The following MAMLD1 variants were observed in gnomAD, a reference collection of about 807,000 sequenced individuals.
MAMLD1 encodes the protein mastermind like domain containing 1.
Under a neutral mutation model 45.0 loss-of-function variants are expected in MAMLD1, and 14 were observed. The ratio of observed to expected loss-of-function variants is 0.31; its 90% CI spans 0.21 to 0.49. The LOEUF (loss-of-function observed/expected upper bound fraction) is 0.49. Ranked by LOEUF, MAMLD1 falls within the 20% of genes least tolerant of loss-of-function variation. The probability of loss-of-function intolerance (pLI) is 0.99; values close to 1 mark genes in which losing one functional copy is unlikely to be tolerated. For synonymous variants in MAMLD1, 254 were observed against 247.8 expected (o/e 1.02, Z -0.24); for missense variants, 543 against 603.6 (o/e 0.90, Z 1.05).
chrX:150,442,644 A>G (rs2124595071), intron 1 of MAMLD1, among the ~76,000 whole-genome samples: 1 of 112,006 alleles, frequency 8.9e-6, no homozygotes, highest in South Asian at 3.7e-4. Context: ...GACACATCAG[A>G]CAATGTTATA....
At chrX:150,391,340 C>T (rs1045488085) in intron 1 of MAMLD1, among the ~76,000 whole-genome samples, 4 of 109,886 alleles carry the variant, frequency 3.6e-5, no homozygotes, top group Non-Finnish European at 7.6e-5. Context: ...TCCCTGAGCC[C>T]CCTCTTCTTC....
At chrX:150,488,133 C>T (rs1193346628) in intron 5 of MAMLD1, among the ~76,000 whole-genome samples, 1 of 112,731 alleles carries the variant, frequency 8.9e-6, no homozygotes, top group Non-Finnish European at 1.9e-5. Context: ...ATGGCCCTCC[C>T]CCTTCTCTCT....
rs1206065899 is a variant in MAMLD1, at chrX:150,383,529, T to C, written c.-64+19999T>C. Among the ~76,000 whole-genome samples, 34 of 111,405 alleles carry C rather than the reference T, an allele frequency of 3.1e-4. No individual in the cohort carries two copies. The Admixed American group carries it at 3.2e-3, about 11-fold the overall frequency. ...CTGGATGCAGATCCTATACACATTA[T>C]ATTATATTAAATATCTAAGTATTGC... On this transcript the variant is annotated intron_variant, in intron 1 of 7. Coordinates refer to ENST00000370401, the MANE Select transcript of MAMLD1 (RefSeq NM_005491.5).
intron 1 of MAMLD1, among the ~76,000 whole-genome samples, chrX:150,368,721 C>G (rs2031724113): frequency 1.8e-5 from 2 of 112,036 alleles, no homozygotes; most frequent in Non-Finnish European, 3.8e-5. Flanking sequence ...TTTAATCCAT[C>G]TTGAATTAAT....
At chrX:150,506,606 C>T (rs1440412727) in intron 6 of MAMLD1, among the ~76,000 whole-genome samples, 6 of 112,482 alleles carry the variant, frequency 5.3e-5, no homozygotes, top group Non-Finnish European at 1.1e-4. Context: ...GTCCCCGAAT[C>T]GTTTGTCCTC....
chrX:150,467,475 C>T (rs1162245376), intron 3 of MAMLD1, among the ~76,000 whole-genome samples: 2 of 112,102 alleles, frequency 1.8e-5, no homozygotes, highest in East Asian at 5.6e-4. Flanking sequence ...TGGGCCTCAG[C>T]CCTCTTATTG....
chrX:150,467,070 T>C (rs2124638839), intron 3 of MAMLD1, among the ~76,000 whole-genome samples: 1 of 101,048 alleles, frequency 9.9e-6, no homozygotes, highest in East Asian at 3.4e-4. Flanking sequence ...GTTCGAGACA[T>C]CATGGACAGC....
chrX:150,426,639 T>C (rs1291167759), intron 1 of MAMLD1, among the ~76,000 whole-genome samples: 2 of 111,673 alleles, frequency 1.8e-5, no homozygotes, highest in Non-Finnish European at 3.8e-5. Flanking sequence ...AGCAGAATAA[T>C]AAGAATCCAG....
At chrX:150,405,939 G>A (rs2033983695) in intron 1 of MAMLD1, among the ~76,000 whole-genome samples, 4 of 111,141 alleles carry the variant, frequency 3.6e-5, no homozygotes, top group Admixed American at 1.9e-4. Context: ...CCTCCCCAGC[G>A]TGGCCATTTT....
intron 2 of MAMLD1, among the ~76,000 whole-genome samples, chrX:150,445,880 G>C (rs1365345544): frequency 9.0e-6 from 1 of 111,271 alleles, no homozygotes; most frequent in Non-Finnish European, 1.9e-5. Flanking sequence ...CATTCAATAA[G>C]AAAAATGAGG....
At chrX:150,511,626 C>T (rs782023934) in intron 7 of MAMLD1, among the ~76,000 whole-genome samples, 89 of 112,274 alleles carry the variant, frequency 7.9e-4, no homozygotes, top group African/African-American at 2.8e-3. Context: ...ACAAAATATG[C>T]ACCACCTGTC....
intron 1 of MAMLD1, among the ~76,000 whole-genome samples, chrX:150,439,297 A>G (rs2035220336): frequency 9.0e-6 from 1 of 111,294 alleles, no homozygotes; most frequent in Non-Finnish European, 1.9e-5. Context: ...AGGTCTTTTC[A>G]TTTTCTTGAT....
chrX:150,509,139 A>G (rs1365685063), intron 6 of MAMLD1, among the ~76,000 whole-genome samples: 2 of 111,775 alleles, frequency 1.8e-5, no homozygotes, highest in Non-Finnish European at 3.8e-5. Flanking sequence ...CAGCTTTCAG[A>G]TGGAGACAGG....
At chrX:150,373,455 C>G (rs2032133624) in intron 1 of MAMLD1, among the ~76,000 whole-genome samples, 1 of 76,903 alleles carries the variant, frequency 1.3e-5, no homozygotes, top group African/African-American at 5.1e-5. Flanking sequence ...GTGAAGAGCT[C>G]TCTCTCTCTC....
intron 2 of MAMLD1, among the ~76,000 whole-genome samples, chrX:150,453,594 G>A (rs1176029896): frequency 3.6e-5 from 4 of 111,842 alleles, no homozygotes; most frequent in Non-Finnish European, 7.5e-5. Context: ...TCAGCATCCA[G>A]AGAGAACTTT....
intron 1 of MAMLD1, among the ~76,000 whole-genome samples, chrX:150,371,711 A>G (rs1255371969): frequency 6.3e-5 from 7 of 111,664 alleles, no homozygotes; most frequent in Non-Finnish European, 1.1e-4. Flanking sequence ...CCGAAATTCC[A>G]CTCTCAGCTT....
chrX:150,460,758 A>T (rs2036011309), intron 2 of MAMLD1, among the ~76,000 whole-genome samples: 1 of 112,160 alleles, frequency 8.9e-6, no homozygotes, highest in Non-Finnish European at 1.9e-5. Flanking sequence ...ATGACCCAGA[A>T]GCTGATTGTT....
intron 3 of MAMLD1, among the ~76,000 whole-genome samples, chrX:150,466,417 C>G (rs781797671): frequency 8.9e-5 from 10 of 112,182 alleles, no homozygotes; most frequent in African/African-American, 3.2e-4. Flanking sequence ...TCACTGAAGT[C>G]CATTGAAAAA....
At position 150,512,818 on chromosome X, in the gene MAMLD1, G is replaced by T. The variant is rs1169028618; in HGVS notation, c.*859G>T. ...AGTTCCCAGGTCCGTTCGACAGAAC[G>T]GATATTCCCCCTGAGCTGCCACCTG... On this transcript the variant is annotated 3_prime_UTR_variant, in exon 8 of 8. Coordinates refer to ENST00000370401, the MANE Select transcript of MAMLD1 (RefSeq NM_005491.5). 2.6e-6 allele frequency: 3 copies of T among 1,154,174 alleles called. No individual in the cohort carries two copies. In the African/African-American group the frequency reaches 5.4e-5, roughly 21 times the overall value.
Sources: allele counts gnomAD v4.1 joint callset (sites outside exome capture counted in the v4.1 genomes callset), GRCh38; gene constraint gnomAD v4.1.1; transcripts MANE v1.5; gene names NCBI Gene and HGNC (gene_info 2026-07-23, HGNC 2026-07-21).